Variants in RLF observed in about 807,000 individuals in gnomAD.
RLF encodes the protein RLF zinc finger.
Under a neutral mutation model 162.9 loss-of-function variants are expected in RLF, and 7 were observed. That is an observed-to-expected ratio of 0.04 (90% CI 0.02 to 0.08). RLF has a LOEUF of 0.08. Among genes scored for constraint, RLF ranks in the 10% least tolerant of loss-of-function variants. The probability of loss-of-function intolerance (pLI) is 1.00; values close to 1 mark genes in which losing one functional copy is unlikely to be tolerated. For missense variants in RLF, 1,664 were observed against 2,244.7 expected (o/e 0.74, Z 5.23); for synonymous variants, 782 against 791.5 (o/e 0.99, Z 0.20).
At chr1:40,186,130 C>G (rs113266123) in intron 1 of RLF, among the ~76,000 whole-genome samples, 1,846 of 151,726 alleles carry the variant, frequency 0.012, 19 homozygotes, top group Non-Finnish European at 0.019. Context: ...CGCACCCCAA[C>G]CTGGGTGACA....
At chr1:40,202,688 T>C in intron 5 of RLF, 74 bp downstream of exon 5, 1 of 924,740 alleles carries the variant, frequency 1.1e-6, no homozygotes, top group Non-Finnish European at 1.6e-6. Context: ...ATGGTTTATT[T>C]TTTCCCTTTA....
intron 6 of RLF, among the ~76,000 whole-genome samples, chr1:40,224,137 TG>T (rs1202555764): frequency 6.6e-6 from 1 of 152,152 alleles, no homozygotes; most frequent in Admixed American, 6.5e-5. Context: ...CTTCCAGAGC[TG>T]TTAGTGGCTC....
rs557688272 is a variant in RLF, at chr1:40,165,692, G to A, written c.237+4056G>A. On this transcript the variant is annotated intron_variant, in intron 1 of 7. Transcript: ENST00000372771. ...CCTCTTCACTAATCTCTTGTTTTCT[G>A]ACTGACATCTGCAGTTCATCTTTGT... Among the ~76,000 whole-genome samples the A allele has an allele frequency of 2.0e-5, 3 of 152,156 alleles. No individual in the cohort carries two copies. The East Asian group carries it at 5.8e-4, about 29-fold the overall frequency.
chr1:40,224,438 G>A (rs1464586520), intron 6 of RLF, among the ~76,000 whole-genome samples: 2 of 149,740 alleles, frequency 1.3e-5, no homozygotes, highest in Non-Finnish European at 3.0e-5. Context: ...TGCCACGCCC[G>A]ACTAATTTTT....
intron 1 of RLF, among the ~76,000 whole-genome samples, chr1:40,177,135 AC>A (rs1164074896): frequency 4.0e-5 from 6 of 151,440 alleles, no homozygotes; most frequent in African/African-American, 1.5e-4. Flanking sequence ...ACAGGCGCCC[AC>A]CACCACACCC....
In RLF at chr1:40,220,595, CCTGACTAGACTGTGATAT is replaced by C. The variant is rs1642978825; in HGVS notation, c.811-1977_811-1960del. On this transcript the variant is annotated intron_variant, in intron 5 of 7. Transcript: ENST00000372771. Reference sequence around the variant, plus strand: ...TAGTAACTGCTTCCTTACTAACAACCCTGACTAGACTGTGATATCCATTAGGGCAAAAATTAGATTGGC... The same window carrying C: ...TAGTAACTGCTTCCTTACTAACAACCCCATTAGGGCAAAAATTAGATTGGC... Among the ~76,000 whole-genome samples the C allele has an allele frequency of 1.3e-5, 2 of 152,162 alleles. 1 individual carries two copies. Among genetic ancestry groups the C allele is most frequent in the East Asian group, 3.8e-4 (2 of 5,198 alleles).
chr1:40,231,789 C>A, intron 7 of RLF, 131 bp downstream of exon 7: 2 of 781,688 alleles, frequency 2.6e-6, no homozygotes, highest in Admixed American at 3.3e-5. Flanking sequence ...TGGAATTGAC[C>A]ACATCTGACT....
chr1:40,236,121 A>G lies in RLF; in HGVS notation c.1419A>G (p.Lys473=), dbSNP rs1315005431. The change falls in exon 8 of 8, where the codon AAA becomes AAG. Residue 473 remains lysine, a synonymous_variant. Transcript: ENST00000372771. This position sits in a 1 kb window ranked among gnomAD's most constrained non-coding sequence, Gnocchi z 7.7. The part of the protein sequence containing the change: ...WPFDPEFWDW[K]TLKRHCHQLL... ...TTGATCCTGAGTTTTGGGACTGGAA[A>G]ACTTTAAAACGACACTGCCACCAAC... The G allele has an allele frequency of 6.2e-7, 1 of 1,614,152 alleles. No individual in the cohort carries two copies. The highest frequency in any genetic ancestry group is 8.5e-7 in the Non-Finnish European group (1 of 1,180,014).
Position 40,173,090 on chromosome 1 carries a change from TTG to T in RLF, c.237+11457_237+11458del, listed in dbSNP as rs1336628418. Among the ~76,000 whole-genome samples, 33 of 149,924 alleles carry T rather than the reference TTG, an allele frequency of 2.2e-4. 5 individuals are homozygous for T. The highest frequency in any genetic ancestry group is 3.2e-4 in the African/African-American group (13 of 40,704). ...ACATTCAGGTTTTTTTTTTTTTTTTTTGTGAGGCAGAGTTTTGCTCTTATTGC... is the reference window on the plus strand; with the variant it reads ...ACATTCAGGTTTTTTTTTTTTTTTTTTGAGGCAGAGTTTTGCTCTTATTGC... On this transcript the variant is annotated intron_variant, in intron 1 of 7. Coordinates refer to ENST00000372771, the MANE Select transcript of RLF (RefSeq NM_012421.4).
intron 1 of RLF, among the ~76,000 whole-genome samples, chr1:40,171,641 C>CTTTT (rs1423945573): frequency 1.3e-5 from 2 of 152,050 alleles, no homozygotes; most frequent in African/African-American, 4.8e-5. Flanking sequence ...AAACTTAAAA[C>CTTTT]AAGATTTACA....
intron 6 of RLF, among the ~76,000 whole-genome samples, chr1:40,228,278 T>G (rs1643104669): frequency 7.3e-6 from 1 of 137,612 alleles, no homozygotes; most frequent in African/African-American, 2.8e-5. Context: ...AGAACAAGAC[T>G]CCATCTCAAA....
At chr1:40,199,614 T>C (rs1208280902) in intron 4 of RLF, among the ~76,000 whole-genome samples, 1 of 152,196 alleles carries the variant, frequency 6.6e-6, no homozygotes, top group Non-Finnish European at 1.5e-5. Context: ...ATCACTGTTC[T>C]TCGAGAAAAC....
intron 1 of RLF, among the ~76,000 whole-genome samples, chr1:40,162,202 T>A (rs980531345): frequency 6.6e-6 from 1 of 151,902 alleles, no homozygotes; most frequent in East Asian, 1.9e-4. Flanking sequence ...TTTTTTACGT[T>A]TAAGCCGTTC....
intron 1 of RLF, among the ~76,000 whole-genome samples, chr1:40,164,137 A>G (rs975443495): frequency 6.6e-6 from 1 of 152,202 alleles, no homozygotes; most frequent in Non-Finnish European, 1.5e-5. Context: ...ATATATAAAG[A>G]TAGATTGTAG....
At chr1:40,214,943 A>AAAAAAAAAAAAAAAAAAAAAAAAAC (rs1557753895) in intron 5 of RLF, among the ~76,000 whole-genome samples, 1 of 144,630 alleles carries the variant, frequency 6.9e-6, no homozygotes, top group African/African-American at 2.6e-5. Context: ...AAAAAAAAAA[A>AAAAAAAAAAAAAAAAAAAAAAAAAC]AACTAAAGTA....
chr1:40,187,181 G>A (rs1298733128), intron 1 of RLF, among the ~76,000 whole-genome samples: 2 of 151,060 alleles, frequency 1.3e-5, no homozygotes, highest in Non-Finnish European at 1.5e-5. Flanking sequence ...ACAAGCGCGC[G>A]CCACCACGCC....
intron 2 of RLF, 141 bp from the exon 3 acceptor site, chr1:40,190,631 A>G: frequency 5.6e-6 from 3 of 534,082 alleles, no homozygotes; most frequent in Non-Finnish European, 9.7e-6. Context: ...CAGTCAATAT[A>G]ACAACTCTGA....
chr1:40,190,745 T>TTA, intron 2 of RLF, 27 bp from the exon 3 acceptor site: 1 of 1,442,206 alleles, frequency 6.9e-7, no homozygotes, highest in Non-Finnish European at 9.8e-7. Context: ...ATAACCACCT[T>TTA]TATATACTTA....
chr1:40,240,601 T>G lies in RLF; in HGVS notation c.*154T>G, dbSNP rs1643280718. ...TGTATAATATCTATGTCAGCAGTAT[T>G]GGCTGAGTCCATTAGCTCTCCAGTT... On this transcript the variant is annotated 3_prime_UTR_variant, in exon 8 of 8. Transcript: ENST00000372771. 5.0e-6 allele frequency: 3 copies of G among 605,896 alleles called. No individual in the cohort carries two copies. The highest frequency in any genetic ancestry group is 5.8e-6 in the Non-Finnish European group (2 of 342,824). The allele number at this position is 605,896 out of a possible 1,614,324, so 37.5% of individuals were successfully genotyped here. A position where few individuals can be genotyped will look rare whatever the true frequency, so the allele number is the denominator to read the frequency against.
Sources: allele counts gnomAD v4.1 joint callset (sites outside exome capture counted in the v4.1 genomes callset), GRCh38; gene constraint gnomAD v4.1.1; non-coding constraint Gnocchi (gnomAD v3.1); transcripts MANE v1.5; gene names NCBI Gene and HGNC (gene_info 2026-07-23, HGNC 2026-07-21).